The following FRMD4B variants were observed in gnomAD, a reference collection of about 807,000 sequenced individuals.
The protein encoded by FRMD4B is FERM domain-containing protein 4B.
In FRMD4B, 74 loss-of-function variants were observed where a neutral mutation model predicts 141.5. The ratio of observed to expected loss-of-function variants is 0.52; its 90% CI spans 0.43 to 0.63. The LOEUF is 0.63. Ranked by LOEUF, FRMD4B falls within the 30% of genes least tolerant of loss-of-function variation. The pLI is 0.00. For missense variants in FRMD4B, 1,366 were observed against 1,253.4 expected (o/e 1.09, Z -1.36); for synonymous variants, 506 against 467.9 (o/e 1.08, Z -1.05).
chr3:69,443,592 C>G lies in FRMD4B; in HGVS notation c.-128-10831G>C, dbSNP rs368508187. Among the ~76,000 whole-genome samples the G allele has an allele frequency of 1.2e-4, 18 of 152,188 alleles. No homozygotes were observed. In the South Asian group the frequency reaches 3.1e-3, roughly 26 times the overall value. On this transcript the variant is annotated intron_variant, in intron 1 of 5. Coordinates refer to the FRMD4B transcript ENST00000459638. ...ATGGGGTAGTCTTATGGGACTGAGC[C>G]CTTAACCTGTGAGGCCAAAACCACC...
intron 1 of FRMD4B, among the ~76,000 whole-genome samples, chr3:69,349,166 T>C (rs1052366658): frequency 2.0e-5 from 3 of 152,158 alleles, no homozygotes; most frequent in African/African-American, 4.8e-5. Context: ...ACAAGCATTT[T>C]TATACACCAA....
intron 1 of FRMD4B, among the ~76,000 whole-genome samples, chr3:69,358,476 C>T (rs1371545244): frequency 1.3e-5 from 2 of 152,154 alleles, no homozygotes; most frequent in Admixed American, 6.5e-5. Flanking sequence ...GGGCACATGC[C>T]TGTAATCCCA....
At chr3:69,489,957 T>C (rs1706275731) in intron 1 of FRMD4B, among the ~76,000 whole-genome samples, 1 of 152,214 alleles carries the variant, frequency 6.6e-6, no homozygotes, top group African/African-American at 2.4e-5. Flanking sequence ...AACACATTAT[T>C]ATGAGCCAGT....
At chr3:69,228,451 T>G in intron 7 of FRMD4B, 2 of 456,778 alleles carry the variant, frequency 4.4e-6, no homozygotes, top group South Asian at 3.1e-5. Flanking sequence ...TGGTGTGAAC[T>G]CTGAAGAGAG....
upstream of FRMD4B, among the ~76,000 whole-genome samples, chr3:69,389,399 C>G (rs1195100915): frequency 2.0e-5 from 3 of 152,104 alleles, no homozygotes; most frequent in African/African-American, 4.8e-5. Context: ...AACTAGTTAC[C>G]TACATGTGCT....
intron 4 of FRMD4B, among the ~76,000 whole-genome samples, chr3:69,298,712 C>T (rs947270762): frequency 2.6e-5 from 4 of 152,178 alleles, no homozygotes; most frequent in Non-Finnish European, 5.9e-5. Context: ...GGGTCCTTGT[C>T]TCATCTCCTG....
intron 1 of FRMD4B, among the ~76,000 whole-genome samples, chr3:69,362,743 CATGTTA>C (rs1336037937): frequency 7.4e-5 from 11 of 148,506 alleles, no homozygotes; most frequent in African/African-American, 2.7e-4. Context: ...AACAAACTAT[CATGTTA>C]ATTTAAAAAT....
chr3:69,229,628 T>C (rs2093286790), intron 7 of FRMD4B, among the ~76,000 whole-genome samples: 2 of 152,116 alleles, frequency 1.3e-5, no homozygotes, highest in African/African-American at 4.8e-5. Flanking sequence ...CAACAAGCAG[T>C]GTATAGAAGT....
intron 1 of FRMD4B, among the ~76,000 whole-genome samples, chr3:69,343,699 C>T (rs533463889): frequency 1.3e-4 from 19 of 151,724 alleles, no homozygotes; most frequent in African/African-American, 4.6e-4. Context: ...CCTGCCTCAG[C>T]CTCCCAAGTA....
At chr3:69,221,539 T>C (rs2093194674) in intron 9 of FRMD4B, among the ~76,000 whole-genome samples, 1 of 152,152 alleles carries the variant, frequency 6.6e-6, no homozygotes, top group African/African-American at 2.4e-5. Flanking sequence ...TCTGGCAACA[T>C]TATGCCTGAA....
chr3:69,341,934 T>A (rs1702751752), intron 1 of FRMD4B, among the ~76,000 whole-genome samples: 1 of 152,164 alleles, frequency 6.6e-6, no homozygotes, highest in Non-Finnish European at 1.5e-5. Flanking sequence ...AGTTACTCTG[T>A]TGTAGCAGCA....
intron 1 of FRMD4B, among the ~76,000 whole-genome samples, chr3:69,332,742 A>ATTTTTTTTTTT (rs58437578): frequency 4.4e-5 from 3 of 67,510 alleles, no homozygotes; most frequent in African/African-American, 1.3e-4. Flanking sequence ...ACACCTGGCT[A>ATTTTTTTTTTT]TTTTTTTTTT....
At chr3:69,425,610 T>C (rs995167312) in intron 2 of FRMD4B, among the ~76,000 whole-genome samples, 4 of 152,206 alleles carry the variant, frequency 2.6e-5, no homozygotes, top group Admixed American at 1.3e-4. Flanking sequence ...AGCTGAAACA[T>C]AAAAGGGCTT....
intron 19 of FRMD4B, among the ~76,000 whole-genome samples, chr3:69,183,488 T>G (rs1374501016): frequency 7.1e-6 from 1 of 141,682 alleles, no homozygotes; most frequent in Non-Finnish European, 1.5e-5. Flanking sequence ...TTTTTTTTTT[T>G]TTTTTTTTTT....
upstream of FRMD4B, chr3:69,386,361 G>A (rs995738083): frequency 5.3e-6 from 1 of 187,214 alleles, no homozygotes; most frequent in African/African-American, 2.3e-5. Flanking sequence ...GACGGAAGCG[G>A]AGCAACTCTT....
intron 1 of FRMD4B, among the ~76,000 whole-genome samples, chr3:69,523,924 G>A (rs562106103): frequency 1.1e-4 from 17 of 152,142 alleles, no homozygotes; most frequent in African/African-American, 4.1e-4. Flanking sequence ...GGGATCAGAA[G>A]GCACCACCCA....
At chr3:69,407,349 A>T (rs1704666469) in intron 2 of FRMD4B, among the ~76,000 whole-genome samples, 1 of 152,184 alleles carries the variant, frequency 6.6e-6, no homozygotes, top group African/African-American at 2.4e-5. Context: ...ACTTAGGAAT[A>T]TTCTCAATGG....
At chr3:69,389,485 C>G (rs1052569304), upstream of FRMD4B, among the ~76,000 whole-genome samples, 1 of 152,224 alleles carries the variant, frequency 6.6e-6, no homozygotes, top group Non-Finnish European at 1.5e-5. Flanking sequence ...GTTGCTCTTT[C>G]AAGTTCCCAA....
intron 2 of FRMD4B, among the ~76,000 whole-genome samples, chr3:69,400,609 A>G (rs1054570489): frequency 6.6e-6 from 1 of 152,214 alleles, no homozygotes; most frequent in Non-Finnish European, 1.5e-5. Flanking sequence ...CAATCCAAGA[A>G]GGCTTTGGTG....
Sources: gnomAD v4.1 joint callset for allele counts (sites outside exome capture counted in the v4.1 genomes callset) on GRCh38, gnomAD v4.1.1 for gene constraint, MANE v1.5 for transcripts, NCBI Gene and HGNC (gene_info 2026-07-23, HGNC 2026-07-21) for gene names.